Variants in ANAPC16 observed in about 807,000 individuals in gnomAD.
ANAPC16 encodes the protein anaphase-promoting complex subunit 16.
ANAPC16 carries 6 observed loss-of-function variants against 13.1 expected under a neutral mutation model. That is an observed-to-expected ratio of 0.46 (90% CI 0.25 to 0.90). The LOEUF (loss-of-function observed/expected upper bound fraction) is 0.90, where lower values mean the gene tolerates loss of function less well. Among genes scored for constraint, ANAPC16 ranks in the 40% least tolerant of loss-of-function variants. The probability of loss-of-function intolerance (pLI) is 0.18; values close to 1 mark genes in which losing one functional copy is unlikely to be tolerated. For missense variants in ANAPC16, 113 were observed against 131.1 expected (o/e 0.86, Z 0.67); for synonymous variants, 55 against 51.3 (o/e 1.07, Z -0.31).
chr10:72,218,145 C>CAAAAAA lies in ANAPC16; in HGVS notation c.-28+2023_-28+2028dup, dbSNP rs142932037. ...GGGCAACAAGAGTGAAACTCTGTCT[C>CAAAAAA]AAAAAAAAAAAAAAAAAAAAATATA... On this transcript the variant is annotated intron_variant, in intron 1 of 3. Coordinates refer to ENST00000299381, the MANE Select transcript of ANAPC16 (RefSeq NM_173473.4). Among the ~76,000 whole-genome samples the CAAAAAA allele has an allele frequency of 1.4e-4, 5 of 34,878 alleles. 2 individuals carry two copies. Among genetic ancestry groups the CAAAAAA allele is most frequent in the African/African-American group, 1.2e-3 (5 of 4,214 alleles). 22.9% of individuals were successfully genotyped at this position (34,878 alleles called of 152,430 possible). A position where few individuals can be genotyped will look rare whatever the true frequency, so the allele number is the denominator to read the frequency against.
At chr10:72,231,759 G>T (rs1384444420) in intron 3 of ANAPC16, among the ~76,000 whole-genome samples, 9 of 152,082 alleles carry the variant, frequency 5.9e-5, no homozygotes, top group Non-Finnish European at 2.9e-5. Flanking sequence ...GTTTCACCAT[G>T]TTGGCCAGGA....
chr10:72,216,856 G>A (rs1434701461), intron 1 of ANAPC16: 1 of 456,094 alleles, frequency 2.2e-6, no homozygotes, highest in East Asian at 7.0e-5. Flanking sequence ...TTCATCATCA[G>A]TATTTGTTTG....
intron 2 of ANAPC16, among the ~76,000 whole-genome samples, chr10:72,227,160 C>T (rs1418472027): frequency 6.6e-6 from 1 of 152,150 alleles, no homozygotes; most frequent in Non-Finnish European, 1.5e-5. Flanking sequence ...AGATTAAAGT[C>T]ATTTAAATTC....
chr10:72,227,162 T>C (rs981605703), intron 2 of ANAPC16, among the ~76,000 whole-genome samples: 2 of 152,210 alleles, frequency 1.3e-5, no homozygotes, highest in African/African-American at 2.4e-5. Context: ...ATTAAAGTCA[T>C]TTAAATTCTA....
Position 72,230,534 on chromosome 10 carries a change from A to C in ANAPC16, c.217+94A>C, listed in dbSNP as rs1043732889. ...AAAAATCCCCAAACTCAGCAAGGCT[A>C]TTTTAGTGGACTTCCTAAATTAAAG... is the stretch of plus-strand genomic sequence containing the variant. On this transcript the variant is annotated intron_variant, in intron 3 of 3. Transcript: ENST00000299381. The C allele has an allele frequency of 5.0e-6, 5 of 995,376 alleles. No homozygotes were observed. In the African/African-American group the frequency reaches 8.0e-5, roughly 16 times the overall value. The allele number at this position is 995,376 out of a possible 1,614,324, so 61.7% of individuals were successfully genotyped here. A position where few individuals can be genotyped will look rare whatever the true frequency, so the allele number is the denominator to read the frequency against.
At position 72,230,524 on chromosome 10, in the gene ANAPC16, C is replaced by T. The variant is rs564900623; in HGVS notation, c.217+84C>T. The stretch of plus-strand genomic sequence containing the variant: ...AGGCTGTGACAAAAATCCCCAAACT[C>T]AGCAAGGCTATTTTAGTGGACTTCC... On this transcript the variant is annotated intron_variant, in intron 3 of 3. Transcript: ENST00000299381. The T allele has an allele frequency of 1.7e-5, 20 of 1,147,978 alleles. No individual in the cohort carries two copies. In the South Asian group the frequency reaches 2.4e-4, roughly 14 times the overall value. The allele number at this position is 1,147,978 out of a possible 1,614,324, so 71.1% of individuals were successfully genotyped here. A position where few individuals can be genotyped will look rare whatever the true frequency, so the allele number is the denominator to read the frequency against.
chr10:72,226,082 C>G (rs957658506), intron 2 of ANAPC16, among the ~76,000 whole-genome samples: 52 of 148,372 alleles, frequency 3.5e-4, no homozygotes, highest in African/African-American at 9.5e-4. Context: ...GTGGCTCGAT[C>G]TTGGCTCACT....
chr10:72,225,972 T>G (rs922731370), intron 2 of ANAPC16, among the ~76,000 whole-genome samples: 2 of 152,036 alleles, frequency 1.3e-5, no homozygotes, highest in African/African-American at 4.8e-5. Flanking sequence ...ATTCTAGTAT[T>G]TTAGTGCTTA....
chr10:72,225,487 C>T (rs1860090810), intron 2 of ANAPC16, among the ~76,000 whole-genome samples: 1 of 151,708 alleles, frequency 6.6e-6, no homozygotes, highest in African/African-American at 2.4e-5. Context: ...GAAGCCAAGG[C>T]ATGAGGATTG....
Position 72,222,717 on chromosome 10 carries a change from C to T in ANAPC16, c.-27-1171C>T, listed in dbSNP as rs189323725. 1.1e-3 allele frequency among the ~76,000 whole-genome samples: 174 copies of T among 152,286 alleles called. 3 individuals carry two copies. The highest frequency in any genetic ancestry group is 3.3e-3 in the African/African-American group (137 of 41,564). ...GCTTGAACCTAGGAGACGGAGGTTGCGGTGAGCCGATATCATGCCACTGCA... is the reference window on the plus strand; with the variant it reads ...GCTTGAACCTAGGAGACGGAGGTTGTGGTGAGCCGATATCATGCCACTGCA... On this transcript the variant is annotated intron_variant, in intron 1 of 3. Coordinates refer to ENST00000299381, the MANE Select transcript of ANAPC16 (RefSeq NM_173473.4).
intron 1 of ANAPC16, chr10:72,216,714 C>T (rs1589697169): frequency 4.8e-6 from 2 of 413,796 alleles, no homozygotes; most frequent in East Asian, 1.4e-4. Flanking sequence ...GTCATCCCTG[C>T]CGTACATGAA....
chr10:72,218,354 C>T (rs750261894), intron 1 of ANAPC16, among the ~76,000 whole-genome samples: 1 of 151,320 alleles, frequency 6.6e-6, no homozygotes, highest in Non-Finnish European at 1.5e-5. Context: ...AATGATGTGT[C>T]CACAGTCATG....
intron 3 of ANAPC16, among the ~76,000 whole-genome samples, chr10:72,230,669 TG>T (rs551467157): frequency 2.6e-4 from 39 of 151,406 alleles, no homozygotes; most frequent in African/African-American, 8.7e-4. Context: ...CTGAGGCGGG[TG>T]GATCACTTGA....
intron 1 of ANAPC16, among the ~76,000 whole-genome samples, chr10:72,222,738 C>G (rs941973985): frequency 6.6e-6 from 1 of 152,242 alleles, no homozygotes; most frequent in African/African-American, 2.4e-5. Flanking sequence ...TATCATGCCA[C>G]TGCACTCTAG....
At chr10:72,229,823 T>A (rs559257450) in intron 2 of ANAPC16, among the ~76,000 whole-genome samples, 1 of 152,218 alleles carries the variant, frequency 6.6e-6, no homozygotes, top group Non-Finnish European at 1.5e-5. Context: ...TTTGGTTCAG[T>A]TGGAAAATCA....
intron 1 of ANAPC16, among the ~76,000 whole-genome samples, chr10:72,222,365 CA>C (rs1206073537): frequency 1.7e-4 from 26 of 148,718 alleles, no homozygotes; most frequent in Admixed American, 1.7e-3. Context: ...TTGCAGTGAG[CA>C]GAGATCGCGC....
chr10:72,220,776 T>C (rs1337367702), intron 1 of ANAPC16: 1 of 150,166 alleles, frequency 6.7e-6, no homozygotes, highest in Non-Finnish European at 1.5e-5. Flanking sequence ...AAGTGGTGTT[T>C]ACAGTAACTG....
chr10:72,219,361 G>A (rs1044711331), intron 1 of ANAPC16, among the ~76,000 whole-genome samples: 1 of 152,204 alleles, frequency 6.6e-6, no homozygotes. Context: ...AACTCCCAAA[G>A]TTGTTGCCTC....
chr10:72,217,514 G>A (rs568872382), intron 1 of ANAPC16, among the ~76,000 whole-genome samples: 43 of 151,440 alleles, frequency 2.8e-4, no homozygotes, highest in African/African-American at 1.0e-3. Flanking sequence ...CTTAATAGAA[G>A]GCACTGGCCC....
Sources: gnomAD v4.1 joint callset for allele counts (sites outside exome capture counted in the v4.1 genomes callset) on GRCh38, gnomAD v4.1.1 for gene constraint, MANE v1.5 for transcripts, NCBI Gene and HGNC (gene_info 2026-07-23, HGNC 2026-07-21) for gene names.